Variants in SYT17 observed in about 807,000 individuals in gnomAD.
SYT17 encodes the protein synaptotagmin-17.
A neutral mutation model predicts 46.7 loss-of-function variants in SYT17; 22 were observed. The observed-to-expected ratio is 0.47, with a 90% CI of 0.34 to 0.67. SYT17 has a LOEUF of 0.67. Among genes scored for constraint, SYT17 ranks in the 30% least tolerant of loss-of-function variants. The probability of loss-of-function intolerance (pLI) is 0.01; values close to 1 mark genes in which losing one functional copy is unlikely to be tolerated. For synonymous variants in SYT17, 251 were observed against 248.4 expected (o/e 1.01, Z -0.10); for missense variants, 519 against 612.8 (o/e 0.85, Z 1.62).
chr16:19,250,593 C>T (rs1356686126), intron 7 of SYT17, among the ~76,000 whole-genome samples: 3 of 152,230 alleles, frequency 2.0e-5, no homozygotes, highest in South Asian at 2.1e-4. Flanking sequence ...GGGCTGGTCT[C>T]GAACTCCTGG....
In SYT17 at chr16:19,246,398, A is replaced by G. The variant is rs558486613; in HGVS notation, c.1229-20482A>G. Among the ~76,000 whole-genome samples the G allele has an allele frequency of 2.8e-3, 434 of 152,308 alleles. 1 individual carries two copies. The highest frequency in any genetic ancestry group is 9.8e-3 in the African/African-American group (408 of 41,556). Reference sequence around the variant, plus strand: ...ATATCCATTAATGAATATTTGCAATATGAATATGTAAAAATGAATATCACT... The same window carrying G: ...ATATCCATTAATGAATATTTGCAATGTGAATATGTAAAAATGAATATCACT... On this transcript the variant is annotated intron_variant, in intron 7 of 7. Transcript: ENST00000355377.
At chr16:19,176,307 T>C (rs1247179225) in intron 3 of SYT17, among the ~76,000 whole-genome samples, 1 of 152,204 alleles carries the variant, frequency 6.6e-6, no homozygotes, top group Non-Finnish European at 1.5e-5. Flanking sequence ...TCGGGTTATG[T>C]ACCAATCACT....
chr16:19,180,550 C>G lies in SYT17; in HGVS notation c.331+11C>G. 1 of 1,613,640 alleles carries G rather than the reference C, an allele frequency of 6.2e-7. No homozygotes were observed. The highest frequency in any genetic ancestry group is 8.5e-7 in the Non-Finnish European group (1 of 1,179,700). On this transcript the variant is annotated intron_variant, in intron 4 of 7. Transcript: ENST00000355377. ...CGCGGAGGATTTCGAGTAAGTATCT[C>G]TGCTTTACCTTTCTGGGGGCCCTGG...
At chr16:19,206,732 C>G (rs1965686484) in intron 5 of SYT17, among the ~76,000 whole-genome samples, 3 of 152,268 alleles carry the variant, frequency 2.0e-5, no homozygotes, top group Admixed American at 6.5e-5. Flanking sequence ...CCTCACCTGG[C>G]ATTCTCCCCT....
chr16:19,216,079 G>C (rs1378213996), intron 5 of SYT17, among the ~76,000 whole-genome samples: 1 of 152,122 alleles, frequency 6.6e-6, no homozygotes, highest in East Asian at 1.9e-4. Context: ...GATGAGATTT[G>C]AGCGGGAACA....
At chr16:19,231,137 A>G (rs148790590) in intron 7 of SYT17, among the ~76,000 whole-genome samples, 257 of 152,346 alleles carry the variant, frequency 1.7e-3, no homozygotes, top group Non-Finnish European at 3.1e-3. Context: ...GAGAAAGGCC[A>G]TCTGTCTTCT....
intron 1 of SYT17, chr16:19,171,128 T>C (rs1964065125): frequency 6.6e-6 from 1 of 152,316 alleles, no homozygotes; most frequent in African/African-American, 2.4e-5. Flanking sequence ...GCTCAGCTTG[T>C]TGCGTGGCCC....
rs187591621 is a variant in SYT17 at position 19,235,363 on chromosome 16, C to G, written c.1228+10525C>G. The stretch of plus-strand genomic sequence containing the variant: ...TGAGGGGCAGATACAAATAGCATTG[C>G]AAGGCCTTTGAAAACTGAACTGACA... On this transcript the variant is annotated intron_variant, in intron 7 of 7. Transcript: ENST00000355377. Among the ~76,000 whole-genome samples, 411 of 152,284 alleles carry G rather than the reference C, an allele frequency of 2.7e-3. 4 individuals carry two copies. Among genetic ancestry groups the G allele is most frequent in the African/African-American group, 9.6e-3 (397 of 41,554 alleles).
chr16:19,183,536 T>A lies in SYT17; in HGVS notation c.340T>A (p.Ser114Thr). Reference protein sequence around the residue: ...SLTRRISSLESRRPSSPLIDI... With the variant: ...SLTRRISSLETRRPSSPLIDI... Reference sequence around the variant, plus strand: ...TTTCTGGTGGCTCTCAGGTCTTGAGTCAAGACGTCCCAGCTCTCCACTCAT... The same window carrying A: ...TTTCTGGTGGCTCTCAGGTCTTGAGACAAGACGTCCCAGCTCTCCACTCAT... The change falls in exon 5 of 8, where the codon TCA (serine) becomes ACA (threonine). Residue 114 changes from serine to threonine, a missense_variant. Ser to Thr is a moderately conservative substitution (Grantham distance 58, BLOSUM62 1). Coordinates refer to ENST00000355377, the MANE Select transcript of SYT17 (RefSeq NM_016524.4). This position sits in a 1 kb window ranked among gnomAD's most constrained non-coding sequence, Gnocchi z 5.6. 4 of 1,613,820 alleles carry A rather than the reference T, an allele frequency of 2.5e-6. No individual in the cohort carries two copies. In the South Asian group the frequency reaches 3.3e-5, roughly 13 times the overall value.
Position 19,180,456 on chromosome 16 carries a change from C to T in SYT17, c.248C>T (p.Thr83Ile). The T allele has an allele frequency of 6.2e-7, 1 of 1,614,180 alleles. No homozygotes were observed. Among genetic ancestry groups the T allele is most frequent in the Non-Finnish European group, 8.5e-7 (1 of 1,180,038 alleles). ...CACACGGCCAGCGAAGTCCCGCTGA[C>T]CCCACGGACCAATTCCCCGGATGGA... is the stretch of plus-strand genomic sequence containing the variant. ...SVHTASEVPLTPRTNSPDGRR... is the reference protein window; with the variant it reads ...SVHTASEVPLIPRTNSPDGRR... The change falls in exon 4 of 8, where the codon ACC (threonine) becomes ATC (isoleucine). Residue 83 changes from threonine (T) to isoleucine (I), a missense_variant. Physicochemically the swap from Thr to Ile is moderately conservative, Grantham distance 89. Transcript: ENST00000355377.
intron 5 of SYT17, among the ~76,000 whole-genome samples, chr16:19,222,785 G>A (rs1309589941): frequency 1.3e-5 from 2 of 152,164 alleles, no homozygotes; most frequent in African/African-American, 2.4e-5. Flanking sequence ...TGGCAGTGAA[G>A]CATTTTTTAA....
At chr16:19,225,422 TGTA>T (rs1156749992) in intron 7 of SYT17, among the ~76,000 whole-genome samples, 6 of 152,212 alleles carry the variant, frequency 3.9e-5, no homozygotes, top group South Asian at 2.1e-4. Flanking sequence ...TGTAATCTAA[TGTA>T]GTATTTCCAG....
At chr16:19,248,374 T>C (rs1967745279) in intron 7 of SYT17, among the ~76,000 whole-genome samples, 1 of 152,178 alleles carries the variant, frequency 6.6e-6, no homozygotes, top group African/African-American at 2.4e-5. Flanking sequence ...TCCTAGGTAT[T>C]TACCCAAGAG....
chr16:19,175,518 G>A (rs904599992), intron 3 of SYT17, among the ~76,000 whole-genome samples: 1 of 151,980 alleles, frequency 6.6e-6, no homozygotes, highest in Admixed American at 6.6e-5. Context: ...AGCTGGGCAC[G>A]TTGGTGCCTA....
chr16:19,225,279 T>C (rs1966461452), intron 7 of SYT17, among the ~76,000 whole-genome samples: 1 of 152,146 alleles, frequency 6.6e-6, no homozygotes, highest in Non-Finnish European at 1.5e-5. Context: ...TGCAGTCAAA[T>C]AGAGAGGCAT....
chr16:19,230,546 A>G (rs1212067273), intron 7 of SYT17, among the ~76,000 whole-genome samples: 2 of 152,210 alleles, frequency 1.3e-5, no homozygotes, highest in Non-Finnish European at 2.9e-5. Context: ...GGAAAGAAAA[A>G]ATAAGTAAAT....
chr16:19,252,007 C>T lies in SYT17; in HGVS notation c.1229-14873C>T, dbSNP rs771422811. 1.1e-4 allele frequency among the ~76,000 whole-genome samples: 16 copies of T among 151,932 alleles called. No individual in the cohort carries two copies. In the East Asian group the frequency reaches 2.6e-3, roughly 24 times the overall value. On this transcript the variant is annotated intron_variant, in intron 7 of 7. Coordinates refer to ENST00000355377, the MANE Select transcript of SYT17 (RefSeq NM_016524.4). Reference sequence around the variant, plus strand: ...GGCAGATCATTTGAGGTCAGGAGTTCGAGAGCAGCCTGCCTAACATGGCAA... The same window carrying T: ...GGCAGATCATTTGAGGTCAGGAGTTTGAGAGCAGCCTGCCTAACATGGCAA...
chr16:19,227,298 T>C (rs1017805469), intron 7 of SYT17, among the ~76,000 whole-genome samples: 1 of 150,564 alleles, frequency 6.6e-6, no homozygotes, highest in African/African-American at 2.4e-5. Flanking sequence ...TCAGAGTGTT[T>C]TCTTGCTGTG....
At chr16:19,243,017 C>G (rs1035440161) in intron 7 of SYT17, among the ~76,000 whole-genome samples, 2 of 152,100 alleles carry the variant, frequency 1.3e-5, no homozygotes, top group Non-Finnish European at 2.9e-5. Flanking sequence ...ATTTGTGAGT[C>G]GACATGAAAA....
Sources: gnomAD v4.1 joint callset for allele counts (sites outside exome capture counted in the v4.1 genomes callset) on GRCh38, gnomAD v4.1.1 for gene constraint, Gnocchi (gnomAD v3.1) non-coding constraint, MANE v1.5 for transcripts, NCBI Gene and HGNC (gene_info 2026-07-23, HGNC 2026-07-21) for gene names.